TGFA: variants seen among roughly 807,000 people sequenced by gnomAD.
The protein encoded by TGFA is transforming growth factor alpha.
A neutral mutation model predicts 21.7 loss-of-function variants in TGFA; 12 were observed. That is an observed-to-expected ratio of 0.55 (90% confidence interval 0.35 to 0.90). TGFA has a LOEUF of 0.90. Among genes scored for constraint, TGFA ranks in the 40% least tolerant of loss-of-function variants. The pLI, the probability that TGFA is intolerant of heterozygous loss-of-function variation, is 0.01. For synonymous variants in TGFA, 79 were observed against 88.1 expected, an observed-to-expected ratio of 0.90 and a Z score of 0.58; for missense variants, 178 against 210.8, an observed-to-expected ratio of 0.84 and a Z score of 0.96.
chr2:70,455,000 CA>C (rs1259902254), intron 4 of TGFA, among the ~76,000 whole-genome samples: 17 of 152,188 alleles, frequency 1.1e-4, no homozygotes, highest in African/African-American at 4.1e-4. Flanking sequence ...CCATGAGAAG[CA>C]AGGCTGGCAG....
intron 1 of TGFA, among the ~76,000 whole-genome samples, chr2:70,530,020 T>A (rs1553503549): frequency 6.6e-6 from 1 of 152,152 alleles, no homozygotes; most frequent in Admixed American, 6.5e-5. Flanking sequence ...TCTATACTAT[T>A]CCCTGCCTTC....
chr2:70,535,450 G>A (rs782040932), intron 1 of TGFA, among the ~76,000 whole-genome samples: 2 of 152,128 alleles, frequency 1.3e-5, no homozygotes, highest in Admixed American at 6.5e-5. Flanking sequence ...CTCCCACTTC[G>A]TGCTGATCTT....
chr2:70,464,464 G>A (rs1385624591), intron 3 of TGFA, among the ~76,000 whole-genome samples: 1 of 152,148 alleles, frequency 6.6e-6, no homozygotes, highest in Admixed American at 6.5e-5. Flanking sequence ...TAACTGGGGG[G>A]CAATTTTGCC....
intron 1 of TGFA, among the ~76,000 whole-genome samples, chr2:70,515,282 T>C (rs1261568134): frequency 6.6e-6 from 1 of 152,204 alleles, no homozygotes; most frequent in Non-Finnish European, 1.5e-5. Context: ...ACCATTTTAA[T>C]TGTACATTTC....
At chr2:70,488,037 CT>C (rs781913682) in intron 2 of TGFA, among the ~76,000 whole-genome samples, 1 of 152,134 alleles carries the variant, frequency 6.6e-6, no homozygotes, top group Non-Finnish European at 1.5e-5. Context: ...CTTATGTTAA[CT>C]GCATTTTCTT....
At chr2:70,497,690 C>T (rs570475637) in intron 2 of TGFA, among the ~76,000 whole-genome samples, 1 of 152,274 alleles carries the variant, frequency 6.6e-6, no homozygotes, top group East Asian at 1.9e-4. Context: ...TTTGAAAAGA[C>T]AGTGGTGGCC....
chr2:70,521,084 C>A (rs1479043466), intron 1 of TGFA, among the ~76,000 whole-genome samples: 1 of 150,782 alleles, frequency 6.6e-6, no homozygotes, highest in African/African-American at 2.5e-5. Context: ...GACTGGTTTT[C>A]TTGCCAACAG....
chr2:70,502,050 G>A (rs1411160779), intron 2 of TGFA, among the ~76,000 whole-genome samples: 1 of 152,210 alleles, frequency 6.6e-6, no homozygotes, highest in Non-Finnish European at 1.5e-5. Flanking sequence ...TTCCTCTTCT[G>A]CCCTCCTGTG....
intron 2 of TGFA, among the ~76,000 whole-genome samples, chr2:70,508,946 A>G (rs1313503400): frequency 6.6e-6 from 1 of 152,234 alleles, no homozygotes; most frequent in African/African-American, 2.4e-5. Flanking sequence ...AAAAGCACTG[A>G]CCCAGCACAA....
At chr2:70,491,361 TG>T (rs1553497595) in intron 2 of TGFA, among the ~76,000 whole-genome samples, 1 of 152,072 alleles carries the variant, frequency 6.6e-6, no homozygotes, top group Non-Finnish European at 1.5e-5. Context: ...CAGTAAAGTG[TG>T]GGGGGCCCAA....
chr2:70,471,175 G>A (rs3771508), intron 2 of TGFA, among the ~76,000 whole-genome samples: 27,623 of 149,850 alleles, frequency 0.18, 3,122 homozygotes, highest in Admixed American at 0.3. Flanking sequence ...GGTTCTTTGC[G>A]CAGGGTGCTG....
At chr2:70,506,757 G>A (rs1353663129) in intron 2 of TGFA, among the ~76,000 whole-genome samples, 1 of 152,170 alleles carries the variant, frequency 6.6e-6, no homozygotes, top group Admixed American at 6.5e-5. Context: ...GCCAGGCACA[G>A]AGAGGTTAAG....
At chr2:70,550,968 G>T (rs1311657125) in intron 1 of TGFA, among the ~76,000 whole-genome samples, 1 of 152,318 alleles carries the variant, frequency 6.6e-6, no homozygotes, top group African/African-American at 2.4e-5. Context: ...GAATGGTAAA[G>T]AGCATGGAGA....
intron 2 of TGFA, among the ~76,000 whole-genome samples, chr2:70,500,508 G>C (rs1461496749): frequency 6.6e-6 from 1 of 151,966 alleles, no homozygotes; most frequent in Non-Finnish European, 1.5e-5. Context: ...TGTACTTTTG[G>C]AGAATTCTTG....
intron 2 of TGFA, chr2:70,468,276 G>T (rs1670631961): frequency 6.6e-6 from 1 of 152,280 alleles, no homozygotes; most frequent in African/African-American, 2.4e-5. Context: ...GAAGCCCAAA[G>T]CCAGGTGGAG....
chr2:70,530,408 T>G (rs765377018), intron 1 of TGFA, among the ~76,000 whole-genome samples: 12 of 152,210 alleles, frequency 7.9e-5, no homozygotes, highest in Non-Finnish European at 1.6e-4. Flanking sequence ...AAGGCAGTGG[T>G]GTCCAATCTT....
At chr2:70,517,677 T>C (rs1379508477) in intron 1 of TGFA, among the ~76,000 whole-genome samples, 2 of 152,196 alleles carry the variant, frequency 1.3e-5, no homozygotes, top group East Asian at 1.9e-4. Flanking sequence ...CCAACTCCCA[T>C]GCACAAGACA....
intron 1 of TGFA, among the ~76,000 whole-genome samples, chr2:70,525,742 G>C (rs6738666): frequency 0.11 from 17,470 of 152,056 alleles, 1,548 homozygotes; most frequent in African/African-American, 0.24. Flanking sequence ...GGGAGACCTT[G>C]ACCAGACCAC....
At chr2:70,527,904 A>G (rs1672688060) in intron 1 of TGFA, among the ~76,000 whole-genome samples, 1 of 152,250 alleles carries the variant, frequency 6.6e-6, no homozygotes, top group Non-Finnish European at 1.5e-5. Context: ...CCTTCTCCTA[A>G]GGAAGCCATG....
Sources: gnomAD v4.1 joint callset for allele counts (sites outside exome capture counted in the v4.1 genomes callset) on GRCh38, gnomAD v4.1.1 for gene constraint, MANE v1.5 for transcripts, NCBI Gene and HGNC (gene_info 2026-07-23, HGNC 2026-07-21) for gene names.